Variants in TRAPPC9 observed in about 807,000 individuals in gnomAD.
The protein encoded by TRAPPC9 is IKK2 binding protein.
Under a neutral mutation model 124.0 loss-of-function variants are expected in TRAPPC9, and 83 were observed. That is an observed-to-expected ratio of 0.67 (90% CI 0.56 to 0.80). TRAPPC9 has a LOEUF of 0.80. Ranked by LOEUF, TRAPPC9 falls within the 30% of genes least tolerant of loss-of-function variation. The probability of loss-of-function intolerance (pLI) is 0.00; values close to 1 mark genes in which losing one functional copy is unlikely to be tolerated. For synonymous variants in TRAPPC9, 638 were observed against 617.5 expected, an observed-to-expected ratio of 1.03 and a Z score of -0.49; for missense variants, 1,302 against 1,508.3, an observed-to-expected ratio of 0.86 and a Z score of 2.27.
intron 19 of TRAPPC9, among the ~76,000 whole-genome samples, chr8:139,946,815 C>T (rs1355239946): frequency 1.8e-5 from 1 of 55,162 alleles, no homozygotes; most frequent in Non-Finnish European, 4.0e-5. Context: ...CCTGTCTCTG[C>T]TAAAAATTTA....
At chr8:139,991,558 T>C (rs1404136711) in intron 18 of TRAPPC9, among the ~76,000 whole-genome samples, 1 of 151,828 alleles carries the variant, frequency 6.6e-6, no homozygotes, top group African/African-American at 2.4e-5. Flanking sequence ...GCATATGGTT[T>C]ACCTTAATTC....
At chr8:140,227,173 A>G (rs1046002002) in intron 16 of TRAPPC9, among the ~76,000 whole-genome samples, 2 of 152,062 alleles carry the variant, frequency 1.3e-5, no homozygotes, top group African/African-American at 4.8e-5. Context: ...ATGGCGAGAG[A>G]TGAGATGGAA....
chr8:139,768,509 A>T (rs1311359995), intron 21 of TRAPPC9, among the ~76,000 whole-genome samples: 1 of 152,214 alleles, frequency 6.6e-6, no homozygotes, highest in African/African-American at 2.4e-5. Context: ...TAAAATATGT[A>T]CCTGGAAAAT....
chr8:140,441,074 G>A (rs1320117389), intron 2 of TRAPPC9, among the ~76,000 whole-genome samples: 1 of 150,076 alleles, frequency 6.7e-6, no homozygotes, highest in Non-Finnish European at 1.5e-5. Flanking sequence ...CAAGTCCTGG[G>A]CTCAAGAGAT....
rs186935756 is a variant in TRAPPC9 at position 140,207,866 on chromosome 8, T to C, written c.2556+13593A>G. Among the ~76,000 whole-genome samples the C allele has an allele frequency of 7.9e-5, 12 of 152,302 alleles. No homozygotes were observed. In the East Asian group the frequency reaches 2.3e-3, roughly 29 times the overall value. On this transcript the variant is annotated intron_variant, in intron 17 of 22. Transcript: ENST00000438773. ...TTTGGATGTTTATGTTAAAATTTAATCTCAGGCTGGGCACAGTGGCTCATG... is the reference window on the plus strand; with the variant it reads ...TTTGGATGTTTATGTTAAAATTTAACCTCAGGCTGGGCACAGTGGCTCATG...
chr8:140,099,682 C>T, intron 17 of TRAPPC9: 1 of 152,592 alleles, frequency 6.6e-6, no homozygotes, highest in Non-Finnish European at 1.5e-5. Flanking sequence ...GGTCTCTGCA[C>T]AGCTGCAGGA....
intron 17 of TRAPPC9, among the ~76,000 whole-genome samples, chr8:140,158,799 T>A (rs956532751): frequency 6.6e-6 from 1 of 152,188 alleles, no homozygotes; most frequent in Admixed American, 6.5e-5. Context: ...GTCTTGAGCA[T>A]CTACTATATG....
chr8:139,838,150 G>A (rs868602551), intron 21 of TRAPPC9, among the ~76,000 whole-genome samples: 2 of 152,104 alleles, frequency 1.3e-5, no homozygotes, highest in Non-Finnish European at 2.9e-5. Context: ...TGGATGCACC[G>A]CTCTCCATCC....
At position 140,097,007 on chromosome 8, in the gene TRAPPC9, T is replaced by C. The variant is rs1845002400; in HGVS notation, c.2557-72928A>G. 1 of 152,350 alleles carries C rather than the reference T, an allele frequency of 6.6e-6. No homozygotes were observed. Among genetic ancestry groups the C allele is most frequent in the Admixed American group, 6.5e-5 (1 of 15,284 alleles). 9.4% of individuals were successfully genotyped at this position (152,350 alleles called of 1,614,324 possible). A position where few individuals can be genotyped will look rare whatever the true frequency, so the allele number is the denominator to read the frequency against. On this transcript the variant is annotated intron_variant, in intron 17 of 22. Coordinates refer to ENST00000438773, the MANE Select transcript of TRAPPC9 (RefSeq NM_001160372.4). The surrounding 1 kb of genome is among the most constrained non-coding windows in gnomAD (Gnocchi z 4.2). ...TCCAGCATAGAGATGTGAAAACCTG[T>C]CCAGGTCGCTGGTGTATAGCCAGAA...
At chr8:140,301,305 T>C (rs1055823366) in intron 10 of TRAPPC9, among the ~76,000 whole-genome samples, 6 of 152,224 alleles carry the variant, frequency 3.9e-5, no homozygotes, top group Non-Finnish European at 8.8e-5. Flanking sequence ...AGCATTAAGA[T>C]AAATTTACCA....
chr8:139,986,659 T>A (rs1333148042), intron 19 of TRAPPC9, among the ~76,000 whole-genome samples: 1 of 152,166 alleles, frequency 6.6e-6, no homozygotes, highest in African/African-American at 2.4e-5. Flanking sequence ...CCCCAAACCC[T>A]CCAGTGTGCA....
chr8:140,253,348 AAT>A (rs557796069), intron 15 of TRAPPC9, among the ~76,000 whole-genome samples: 13 of 152,082 alleles, frequency 8.5e-5, no homozygotes, highest in Non-Finnish European at 7.4e-5. Flanking sequence ...GTGTATATTT[AAT>A]ATGAGACACC....
chr8:139,853,623 T>C (rs1827630796), intron 21 of TRAPPC9, among the ~76,000 whole-genome samples: 1 of 152,188 alleles, frequency 6.6e-6, no homozygotes, highest in Non-Finnish European at 1.5e-5. Flanking sequence ...AGGGTGGGGA[T>C]TCAGGCCTAA....
intron 17 of TRAPPC9, among the ~76,000 whole-genome samples, chr8:140,183,023 T>TG (rs1205145977): frequency 2.0e-5 from 3 of 149,560 alleles, no homozygotes; most frequent in Non-Finnish European, 3.0e-5. Flanking sequence ...TCTGCATTAT[T>TG]GGGGAAAAAA....
In TRAPPC9 at chr8:140,053,787, AT is replaced by A. The variant is rs2132100893; in HGVS notation, c.2557-29709del. Among the ~76,000 whole-genome samples, 2 of 152,318 alleles carry A rather than the reference AT, an allele frequency of 1.3e-5. 1 individual carries two copies. The highest frequency in any genetic ancestry group is 4.8e-5 in the African/African-American group (2 of 41,580). ...GTTACATCTTCCTGTTGAATCAACC[AT>A]TTTATCATTATACAATGGCCTTCTT... On this transcript the variant is annotated intron_variant, in intron 17 of 22. Transcript: ENST00000438773.
chr8:140,091,853 C>G (rs1386109392), intron 17 of TRAPPC9, among the ~76,000 whole-genome samples: 2 of 152,180 alleles, frequency 1.3e-5, no homozygotes, highest in Non-Finnish European at 2.9e-5. Flanking sequence ...CGGTGACTCC[C>G]TACTGCCTGG....
At chr8:139,860,210 C>A (rs1436443063) in intron 21 of TRAPPC9, among the ~76,000 whole-genome samples, 1 of 152,160 alleles carries the variant, frequency 6.6e-6, no homozygotes, top group Non-Finnish European at 1.5e-5. Context: ...CAAGCACATG[C>A]ACTCTAGAAA....
At chr8:140,350,158 C>G (rs1217258598) in intron 9 of TRAPPC9, among the ~76,000 whole-genome samples, 2 of 152,216 alleles carry the variant, frequency 1.3e-5, no homozygotes, top group Non-Finnish European at 2.9e-5. Flanking sequence ...GGTTTAGAAG[C>G]AGAGATGCTG....
chr8:139,888,458 C>T (rs924738567), intron 20 of TRAPPC9, among the ~76,000 whole-genome samples: 1 of 152,142 alleles, frequency 6.6e-6, no homozygotes, highest in Non-Finnish European at 1.5e-5. Flanking sequence ...CTGTGGGTAG[C>T]ATTAAGTAAG....
Sources: allele counts gnomAD v4.1 joint callset (sites outside exome capture counted in the v4.1 genomes callset), GRCh38; gene constraint gnomAD v4.1.1; non-coding constraint Gnocchi (gnomAD v3.1); transcripts MANE v1.5; gene names NCBI Gene and HGNC (gene_info 2026-07-23, HGNC 2026-07-21).